Variants in GALNT18 observed in about 807,000 individuals in gnomAD.
GALNT18 encodes polypeptide N-acetylgalactosaminyltransferase 18, also known as GalNAc-transferase 18.
GALNT18 carries 44 observed loss-of-function variants against 69.5 expected under a neutral mutation model. The ratio of observed to expected loss-of-function variants is 0.63; its 90% CI spans 0.50 to 0.81. GALNT18 has a LOEUF of 0.81. Ranked by LOEUF, GALNT18 falls within the 40% of genes least tolerant of loss-of-function variation. The pLI is 0.00. For missense variants in GALNT18, 715 were observed against 810.0 expected, an observed-to-expected ratio of 0.88 and a Z score of 1.42; for synonymous variants, 364 against 318.2, an observed-to-expected ratio of 1.14 and a Z score of -1.53.
At chr11:11,274,028 G>A (rs537990108) in intron 10 of GALNT18, among the ~76,000 whole-genome samples, 4 of 152,240 alleles carry the variant, frequency 2.6e-5, no homozygotes, top group East Asian at 3.9e-4. Flanking sequence ...TGTAGCCCAC[G>A]GAGGACAAGC....
Position 11,620,326 on chromosome 11 carries a change from CGCGCGCGT to C in GALNT18, c.235+1025_235+1032del, listed in dbSNP as rs371415827. Among the ~76,000 whole-genome samples, 4,395 of 108,482 alleles carry C rather than the reference CGCGCGCGT, an allele frequency of 0.041. 162 individuals carry two copies. The highest frequency in any genetic ancestry group is 0.12 in the African/African-American group (2,975 of 23,888). 71.2% of individuals were successfully genotyped at this position (108,482 alleles called of 152,430 possible). A position where few individuals can be genotyped will look rare whatever the true frequency, so the allele number is the denominator to read the frequency against. On this transcript the variant is annotated intron_variant, in intron 1 of 10. Coordinates refer to ENST00000227756, the MANE Select transcript of GALNT18 (RefSeq NM_198516.3). This position sits in a 1 kb window ranked among gnomAD's most constrained non-coding sequence, Gnocchi z 6.9. ...GGAAGTGTGGACGTGAGCGCGCGCG[CGCGCGCGT>C]GTGTGTGTGTGTGTGCACACCCGGC...
intron 1 of GALNT18, among the ~76,000 whole-genome samples, chr11:11,522,551 C>T (rs1590070510): frequency 1.3e-5 from 2 of 152,176 alleles, no homozygotes; most frequent in African/African-American, 2.4e-5. Context: ...CCACTCAGCT[C>T]AACAAGCAGA....
At chr11:11,515,574 A>C (rs1024039800) in intron 1 of GALNT18, among the ~76,000 whole-genome samples, 2 of 152,196 alleles carry the variant, frequency 1.3e-5, no homozygotes, top group Non-Finnish European at 2.9e-5. Context: ...AAATAAACCC[A>C]CAATGATGAG....
At chr11:11,352,887 A>G (rs1486102197) in intron 6 of GALNT18, 1 of 1,613,990 alleles carries the variant, frequency 6.2e-7, no homozygotes, top group African/African-American at 1.3e-5. Context: ...TTCACGCTTA[A>G]TTTTCTTCTT....
chr11:11,482,749 T>C (rs1856561532), intron 1 of GALNT18, among the ~76,000 whole-genome samples: 1 of 152,236 alleles, frequency 6.6e-6, no homozygotes, highest in Admixed American at 6.5e-5. Context: ...ACATCAGTTC[T>C]TCAGCAATCT....
At position 11,621,420 on chromosome 11, in the gene GALNT18, GT is replaced by G; in HGVS notation, c.173del (p.Asp58AlafsTer3). The G allele has an allele frequency of 6.2e-7, 1 of 1,614,120 alleles. No individual in the cohort carries two copies. Among genetic ancestry groups the G allele is most frequent in the Non-Finnish European group, 8.5e-7 (1 of 1,180,026 alleles). On this transcript the variant is annotated frameshift_variant, in exon 1 of 11. Coordinates refer to ENST00000227756, the MANE Select transcript of GALNT18 (RefSeq NM_198516.3). LOFTEE classifies it high-confidence loss of function. This position sits in a 1 kb window ranked among gnomAD's most constrained non-coding sequence, Gnocchi z 9.3. Reference sequence around the variant, plus strand: ...CCAGCCGCTCAATAATCTTCAGAGTGTCCCCTTTGTCTTCCTCCAGCTTCTT... The same window carrying G: ...CCAGCCGCTCAATAATCTTCAGAGTGCCCCTTTGTCTTCCTCCAGCTTCTT... ...PDKKLEEDKG[D>X]TLKIIERLDH...
chr11:11,417,906 T>G (rs1267927919), intron 3 of GALNT18, among the ~76,000 whole-genome samples: 1 of 152,240 alleles, frequency 6.6e-6, no homozygotes, highest in Non-Finnish European at 1.5e-5. Flanking sequence ...GTATCTCCTA[T>G]GAATGTCCTT....
intron 10 of GALNT18, among the ~76,000 whole-genome samples, chr11:11,287,130 C>A (rs1849209655): frequency 6.6e-6 from 1 of 152,208 alleles, no homozygotes; most frequent in South Asian, 2.1e-4. Context: ...CATAGGACAA[C>A]CCTGCTGGGC....
At chr11:11,331,309 T>C (rs1158171077) in intron 8 of GALNT18, among the ~76,000 whole-genome samples, 7 of 152,136 alleles carry the variant, frequency 4.6e-5, no homozygotes, top group Admixed American at 3.9e-4. Flanking sequence ...GGGACACTCA[T>C]GGGAGGATAA....
chr11:11,348,394 A>T (rs1415810424), intron 6 of GALNT18, among the ~76,000 whole-genome samples: 4 of 151,662 alleles, frequency 2.6e-5, no homozygotes, highest in African/African-American at 9.7e-5. Flanking sequence ...AAAAAAAAAA[A>T]AAAAAAAAAG....
At chr11:11,529,449 G>A (rs2133939537) in intron 1 of GALNT18, among the ~76,000 whole-genome samples, 1 of 152,122 alleles carries the variant, frequency 6.6e-6, no homozygotes, top group East Asian at 1.9e-4. Context: ...GTTCTTCTTG[G>A]GTCTCAAGCC....
At chr11:11,296,694 C>G (rs1337044037) in intron 9 of GALNT18, among the ~76,000 whole-genome samples, 1 of 152,194 alleles carries the variant, frequency 6.6e-6, no homozygotes, top group Non-Finnish European at 1.5e-5. Context: ...CACTTACTAT[C>G]TGGTACAGCT....
chr11:11,335,679 A>C (rs1240606241), intron 7 of GALNT18, among the ~76,000 whole-genome samples: 1 of 152,196 alleles, frequency 6.6e-6, no homozygotes, highest in East Asian at 1.9e-4. Flanking sequence ...TTATGACTGT[A>C]TGTGACTATA....
intron 1 of GALNT18, among the ~76,000 whole-genome samples, chr11:11,560,182 A>G (rs796945599): frequency 7.7e-3 from 439 of 57,254 alleles, no homozygotes; most frequent in East Asian, 0.011. Context: ...ATAGAATGAG[A>G]TATGATGGGA....
intron 1 of GALNT18, among the ~76,000 whole-genome samples, chr11:11,519,571 G>C (rs1032850915): frequency 1.3e-5 from 2 of 152,178 alleles, no homozygotes; most frequent in Non-Finnish European, 2.9e-5. Flanking sequence ...CCTAGGCCAG[G>C]AACCCATTCT....
At chr11:11,279,559 T>C (rs1258824375) in intron 10 of GALNT18, among the ~76,000 whole-genome samples, 1 of 151,694 alleles carries the variant, frequency 6.6e-6, no homozygotes, top group Non-Finnish European at 1.5e-5. Flanking sequence ...TATATTCATA[T>C]AATGGAAACC....
rs1564921297 is a variant in GALNT18, at chr11:11,383,151, C to A, written c.596-3887G>T. Reference sequence around the variant, plus strand: ...GAGGTCACAGGCCACTCTCCACATCCCCACGGGGAGCCTCCTCTCCGGGCC... The same window carrying A: ...GAGGTCACAGGCCACTCTCCACATCACCACGGGGAGCCTCCTCTCCGGGCC... On this transcript the variant is annotated intron_variant, in intron 3 of 10. Transcript: ENST00000227756. This position sits in a 1 kb window ranked among gnomAD's most constrained non-coding sequence, Gnocchi z 5.2. 6.6e-6 allele frequency among the ~76,000 whole-genome samples: 1 copy of A among 152,168 alleles called. No homozygotes were observed. The highest frequency in any genetic ancestry group is 1.5e-5 in the Non-Finnish European group (1 of 68,032).
intron 3 of GALNT18, among the ~76,000 whole-genome samples, chr11:11,390,259 G>T (rs935614809): frequency 6.6e-6 from 1 of 152,160 alleles, no homozygotes; most frequent in Non-Finnish European, 1.5e-5. Context: ...ACTAAGCTCG[G>T]TCATGCTAGA....
At position 11,298,998 on chromosome 11, in the gene GALNT18, C is replaced by G. The variant is rs186526935; in HGVS notation, c.1513-5805G>C. ...CACTCCCTTGCATTCTTTGATATGG[C>G]CAATCTACGTATTTTTATTTTTAAA... On this transcript the variant is annotated intron_variant, in intron 9 of 10. Transcript: ENST00000227756. 7.2e-5 allele frequency among the ~76,000 whole-genome samples: 11 copies of G among 152,218 alleles called. No individual in the cohort carries two copies. In the East Asian group the frequency reaches 2.1e-3, roughly 29 times the overall value.
Sources: gnomAD v4.1 joint callset for allele counts (sites outside exome capture counted in the v4.1 genomes callset) on GRCh38, gnomAD v4.1.1 for gene constraint, Gnocchi (gnomAD v3.1) non-coding constraint, MANE v1.5 for transcripts, NCBI Gene and HGNC (gene_info 2026-07-23, HGNC 2026-07-21) for gene names.